SGIP1: variants seen among roughly 807,000 people sequenced by gnomAD.
SGIP1 encodes SH3GL interacting endocytic adaptor 1, also known as SH3-containing GRB2-like protein 3-interacting protein 1.
Under a neutral mutation model 107.5 loss-of-function variants are expected in SGIP1, and 38 were observed. That is an observed-to-expected ratio of 0.35 (90% confidence interval 0.27 to 0.46). SGIP1 has a LOEUF of 0.46. Ranked by LOEUF, SGIP1 falls within the 20% of genes least tolerant of loss-of-function variation. The probability of loss-of-function intolerance (pLI) is 1.00; values close to 1 mark genes in which losing one functional copy is unlikely to be tolerated. For synonymous variants in SGIP1, 365 were observed against 366.1 expected, an observed-to-expected ratio of 1.00 and a Z score of 0.03; for missense variants, 929 against 1,019.5, an observed-to-expected ratio of 0.91 and a Z score of 1.21.
In SGIP1 at chr1:66,682,495, G is replaced by A. The variant is rs570786370; in HGVS notation, c.1315+126G>A. On this transcript the variant is annotated intron_variant, in intron 15 of 24. Transcript: ENST00000371037. ...TTCAGCCCTCACTCCTCTAGTCTGGGTGTCCTGTGGCCCCACAGCATGTCC... is the reference window on the plus strand; with the variant it reads ...TTCAGCCCTCACTCCTCTAGTCTGGATGTCCTGTGGCCCCACAGCATGTCC... The A allele has an allele frequency of 6.8e-6, 8 of 1,175,002 alleles. No homozygotes were observed. The Admixed American group carries it at 1.6e-4, about 24-fold the overall frequency. 72.8% of individuals were successfully genotyped at this position (1,175,002 alleles called of 1,614,324 possible).
At chr1:66,577,615 C>T (rs1241583403) in intron 1 of SGIP1, among the ~76,000 whole-genome samples, 2 of 152,046 alleles carry the variant, frequency 1.3e-5, no homozygotes, top group African/African-American at 4.8e-5. Context: ...TGTATTTATC[C>T]TATTTCTTTC....
chr1:66,611,014 G>A lies in SGIP1; in HGVS notation c.11-14833G>A, dbSNP rs1290091542. 2.0e-5 allele frequency among the ~76,000 whole-genome samples: 3 copies of A among 151,974 alleles called. No homozygotes were observed. The East Asian group carries it at 5.8e-4, about 29-fold the overall frequency. ...GGTGGGAGGGGGGTGAGGGATAAAGGACTACAAACTGGGTACAGTGTATAC... is the reference window on the plus strand; with the variant it reads ...GGTGGGAGGGGGGTGAGGGATAAAGAACTACAAACTGGGTACAGTGTATAC... On this transcript the variant is annotated intron_variant, in intron 1 of 24. Transcript: ENST00000371037.
chr1:66,665,499 A>G (rs937414104), intron 8 of SGIP1, among the ~76,000 whole-genome samples: 46 of 152,164 alleles, frequency 3.0e-4, no homozygotes, highest in African/African-American at 1.1e-3. Context: ...TAATGGGATC[A>G]CTGGGTCAAA....
intron 1 of SGIP1, among the ~76,000 whole-genome samples, chr1:66,561,621 T>C (rs2058961629): frequency 6.6e-6 from 1 of 151,996 alleles, no homozygotes; most frequent in Non-Finnish European, 1.5e-5. Context: ...AGTACCTGCT[T>C]TATAGAAGCT....
chr1:66,682,139 G>A lies in SGIP1; in HGVS notation c.1085G>A (p.Gly362Glu). 1 of 1,614,178 alleles carries A rather than the reference G, an allele frequency of 6.2e-7. No individual in the cohort carries two copies. Among genetic ancestry groups the A allele is most frequent in the Non-Finnish European group, 8.5e-7 (1 of 1,180,034 alleles). ...CCCCCAGGTCCCACAGGCCCCCCAG[G>A]GCCTCCTGGGCCTCCTCGCAATGTA... The part of the protein sequence containing the change: ...LGPPGPTGPP[G>E]PPGPPRNVLS... Residue 362 changes from glycine to glutamate, a missense_variant, in exon 15 of 25, where the codon GGG (glycine) becomes GAG (glutamate). By Grantham distance (98) the Gly-to-Glu change is moderately conservative. Around this residue, in one of 2 missense-constraint regions of SGIP1, gnomAD observed 588 missense variants for 588.6 expected, o/e 1.00. Transcript: ENST00000371037.
intron 18 of SGIP1, among the ~76,000 whole-genome samples, chr1:66,697,839 A>G (rs890274010): frequency 3.3e-5 from 5 of 152,086 alleles, no homozygotes; most frequent in Non-Finnish European, 7.4e-5. Flanking sequence ...CTGCAAAAAC[A>G]TTTTCCTTCA....
At chr1:66,726,490 G>C (rs572702832) in intron 19 of SGIP1, among the ~76,000 whole-genome samples, 1 of 152,188 alleles carries the variant, frequency 6.6e-6, no homozygotes, top group Non-Finnish European at 1.5e-5. Flanking sequence ...CTATCATAAA[G>C]CTACTGTAAT....
intron 2 of SGIP1, 97 bp downstream of exon 2, chr1:66,626,007 T>C (rs1256653325): frequency 5.0e-6 from 4 of 808,058 alleles, no homozygotes; most frequent in African/African-American, 1.7e-5. Flanking sequence ...TTCTCGGATA[T>C]TGTGTACTAT....
At chr1:66,737,708 C>T (rs1374391574) in intron 21 of SGIP1, among the ~76,000 whole-genome samples, 1 of 152,058 alleles carries the variant, frequency 6.6e-6, no homozygotes, top group Non-Finnish European at 1.5e-5. Context: ...CTAATAATAG[C>T]CTAATATATT....
intron 21 of SGIP1, 90 bp downstream of exon 21, chr1:66,733,970 A>T: frequency 7.4e-7 from 1 of 1,352,394 alleles, no homozygotes; most frequent in South Asian, 1.8e-5. Context: ...CTAAAGTAAC[A>T]CTTCTTTTAA....
Position 66,555,848 on chromosome 1 carries a change from C to A in SGIP1, c.10+21480C>A, listed in dbSNP as rs547653116. 3.9e-5 allele frequency among the ~76,000 whole-genome samples: 6 copies of A among 152,206 alleles called. No individual in the cohort carries two copies. The East Asian group carries it at 1.2e-3, about 29-fold the overall frequency. On this transcript the variant is annotated intron_variant, in intron 1 of 24. Transcript: ENST00000371037. Reference sequence around the variant, plus strand: ...CATACTGTTCCCATTAAACTTACAACAGTATGAGGTAAGTGCTAAATTATC... The same window carrying A: ...CATACTGTTCCCATTAAACTTACAAAAGTATGAGGTAAGTGCTAAATTATC...
At chr1:66,636,483 G>T (rs1190572459) in intron 4 of SGIP1, among the ~76,000 whole-genome samples, 1 of 152,186 alleles carries the variant, frequency 6.6e-6, no homozygotes, top group Non-Finnish European at 1.5e-5. Context: ...CCCAAACTCT[G>T]TAGTACCTAT....
At chr1:66,633,039 C>G in intron 2 of SGIP1, 31 bp from the exon 3 acceptor site, 1 of 1,411,406 alleles carries the variant, frequency 7.1e-7, no homozygotes, top group Non-Finnish European at 1.0e-6. Flanking sequence ...GATTCCTTAT[C>G]ATAATAGCTA....
chr1:66,732,271 A>G (rs2094046988), intron 20 of SGIP1, among the ~76,000 whole-genome samples: 1 of 152,160 alleles, frequency 6.6e-6, no homozygotes, highest in Admixed American at 6.5e-5. Context: ...GTTTCTTATT[A>G]GCTGCATGAC....
chr1:66,646,625 G>A (rs187612700), intron 7 of SGIP1, among the ~76,000 whole-genome samples: 192 of 151,980 alleles, frequency 1.3e-3, no homozygotes, highest in African/African-American at 4.4e-3. Context: ...TATATTGGGC[G>A]GTCAAATTAA....
chr1:66,578,625 T>C (rs1225680195), intron 1 of SGIP1, among the ~76,000 whole-genome samples: 1 of 152,156 alleles, frequency 6.6e-6, no homozygotes, highest in Non-Finnish European at 1.5e-5. Context: ...CTTCAAACAG[T>C]ACATATCCTA....
intron 15 of SGIP1, 91 bp downstream of exon 15, chr1:66,682,460 G>A (rs762983165): frequency 2.7e-6 from 4 of 1,468,486 alleles, no homozygotes; most frequent in Non-Finnish European, 3.7e-6. Flanking sequence ...CTGGCAGCTG[G>A]CTTCAGAGCT....
chr1:66,730,982 T>C (rs929708759), intron 20 of SGIP1, among the ~76,000 whole-genome samples: 3 of 152,190 alleles, frequency 2.0e-5, no homozygotes, highest in African/African-American at 7.2e-5. Context: ...ACTAGTAGCT[T>C]GGTGCAAAAG....
intron 2 of SGIP1, among the ~76,000 whole-genome samples, chr1:66,627,914 C>G (rs1231298258): frequency 7.1e-6 from 1 of 140,414 alleles, no homozygotes; most frequent in Non-Finnish European, 1.5e-5. Flanking sequence ...CACCCCACAA[C>G]AGGCCCCGGT....
Sources: allele counts gnomAD v4.1 joint callset (sites outside exome capture counted in the v4.1 genomes callset), GRCh38; gene constraint gnomAD v4.1.1; regional missense constraint gnomAD v4.1.1; transcripts MANE v1.5; gene names NCBI Gene and HGNC (gene_info 2026-07-23, HGNC 2026-07-21).